The following NPR3 variants were observed in gnomAD, a reference collection of about 807,000 sequenced individuals.
NPR3 encodes natriuretic peptide receptor 3.
A neutral mutation model predicts 54.5 loss-of-function variants in NPR3; 34 were observed. The ratio of observed to expected loss-of-function variants is 0.62; its 90% CI spans 0.47 to 0.83. The LOEUF (loss-of-function observed/expected upper bound fraction) is 0.83. NPR3 is among the 40% of genes least tolerant of loss of function. The pLI is 0.00. For synonymous variants in NPR3, 289 were observed against 297.1 expected (o/e 0.97, Z 0.28); for missense variants, 674 against 720.8 (o/e 0.94, Z 0.74).
At chr5:32,769,402 G>T (rs944113012) in intron 3 of NPR3, among the ~76,000 whole-genome samples, 1 of 152,108 alleles carries the variant, frequency 6.6e-6, no homozygotes, top group South Asian at 2.1e-4. Context: ...TTCAATTCAG[G>T]TCAGAGAAGG....
At chr5:32,751,133 G>A (rs1480097819) in intron 3 of NPR3, among the ~76,000 whole-genome samples, 1 of 150,350 alleles carries the variant, frequency 6.7e-6, no homozygotes, top group Non-Finnish European at 1.5e-5. Context: ...TCAATTTTAA[G>A]GTAAAAACAG....
At chr5:32,700,483 G>A (rs1740639510) in intron 1 of NPR3, among the ~76,000 whole-genome samples, 1 of 151,764 alleles carries the variant, frequency 6.6e-6, no homozygotes, top group Non-Finnish European at 1.5e-5. Context: ...TGCCATATTG[G>A]TTTGCTGCAC....
At chr5:32,711,241 C>T, upstream of NPR3, 1 of 323,664 alleles carries the variant, frequency 3.1e-6, no homozygotes, top group Non-Finnish European at 4.0e-6. Context: ...GAAACACAAG[C>T]CCGGCCTCGG....
Position 32,786,520 on chromosome 5 carries a change from C to G in NPR3, c.*175C>G. 1 of 606,352 alleles carries G rather than the reference C, an allele frequency of 1.6e-6. No individual in the cohort carries two copies. The highest frequency in any genetic ancestry group is 3.4e-5 in the Admixed American group (1 of 29,528). The allele number at this position is 606,352 out of a possible 1,614,324, so 37.6% of individuals were successfully genotyped here. ...AGGAATTATGATTAATCACCATCTGCCTCCAGGCCTTTCATCTCATGACAA... is the reference window on the plus strand; with the variant it reads ...AGGAATTATGATTAATCACCATCTGGCTCCAGGCCTTTCATCTCATGACAA... On this transcript the variant is annotated 3_prime_UTR_variant, in exon 8 of 8. Transcript: ENST00000265074.
chr5:32,781,674 T>C (rs1742343720), intron 5 of NPR3, among the ~76,000 whole-genome samples: 1 of 152,050 alleles, frequency 6.6e-6, no homozygotes, highest in Admixed American at 6.5e-5. Context: ...GCAGCAGGAG[T>C]CACCCTCGCT....
Position 32,770,483 on chromosome 5 carries a change from C to T in NPR3, c.1060-4225C>T, listed in dbSNP as rs114922483. Among the ~76,000 whole-genome samples, 584 of 151,814 alleles carry T rather than the reference C, an allele frequency of 3.8e-3. 2 individuals are homozygous for T. Among genetic ancestry groups the T allele is most frequent in the African/African-American group, 7.4e-3 (305 of 41,412 alleles). On this transcript the variant is annotated intron_variant, in intron 3 of 7. Transcript: ENST00000265074. ...AGAAAGAAAATAGAAATGAAAGGAA[C>T]GAGAGTTAGCGCCCTCTTGTCATGC...
In NPR3 at chr5:32,738,245, G is replaced by A. The variant is rs184304994; in HGVS notation, c.893-619G>A. ...GGTGGTTTGCTGCACCCATCAACCC[G>A]TCATCTACATTAGATATTTCTCCTA... On this transcript the variant is annotated intron_variant, in intron 2 of 7. Coordinates refer to ENST00000265074, the MANE Select transcript of NPR3 (RefSeq NM_001204375.2). Among the ~76,000 whole-genome samples, 463 of 152,074 alleles carry A rather than the reference G, an allele frequency of 3.0e-3. 1 individual carries two copies. Among genetic ancestry groups the A allele is most frequent in the Admixed American group, 8.1e-3 (124 of 15,268 alleles).
chr5:32,722,453 A>G (rs973018185), intron 1 of NPR3, among the ~76,000 whole-genome samples: 8 of 152,238 alleles, frequency 5.3e-5, no homozygotes, highest in Non-Finnish European at 1.2e-4. Context: ...TTTAAACAGT[A>G]TGCATTTCAG....
chr5:32,742,654 G>A (rs1740094182), intron 3 of NPR3, among the ~76,000 whole-genome samples: 1 of 152,148 alleles, frequency 6.6e-6, no homozygotes. Flanking sequence ...AATGTAAAGA[G>A]CATATAACAG....
chr5:32,780,132 G>A (rs1338199707), intron 4 of NPR3, among the ~76,000 whole-genome samples: 1 of 152,214 alleles, frequency 6.6e-6, no homozygotes, highest in Non-Finnish European at 1.5e-5. Context: ...CACTAATTCA[G>A]TACTAAGCGT....
chr5:32,742,781 T>G (rs980159295), intron 3 of NPR3, among the ~76,000 whole-genome samples: 6 of 152,160 alleles, frequency 3.9e-5, no homozygotes, highest in African/African-American at 1.4e-4. Flanking sequence ...GTTTTTTTCT[T>G]TGGCAAAATT....
At chr5:32,756,425 C>T (rs373154993) in intron 3 of NPR3, among the ~76,000 whole-genome samples, 1 of 152,132 alleles carries the variant, frequency 6.6e-6, no homozygotes, top group African/African-American at 2.4e-5. Context: ...CTGTTCATAT[C>T]CTTTGCCTAC....
chr5:32,790,721 C>T lies in NPR3; in HGVS notation c.*4376C>T. 6.0e-6 allele frequency: 1 copy of T among 166,960 alleles called. No individual in the cohort carries two copies. 10.3% of individuals were successfully genotyped at this position (166,960 alleles called of 1,614,324 possible). Reference sequence around the variant, plus strand: ...CATTAACCACTAATGTTAATTCATACCAAATGCAAAGTATTCTAAACCAGC... The same window carrying T: ...CATTAACCACTAATGTTAATTCATATCAAATGCAAAGTATTCTAAACCAGC... On this transcript the variant is annotated 3_prime_UTR_variant, in exon 8 of 8. Coordinates refer to ENST00000265074, the MANE Select transcript of NPR3 (RefSeq NM_001204375.2).
At position 32,783,025 on chromosome 5, in the gene NPR3, TCATGTAAGTCTGGAGA is replaced by T; in HGVS notation, c.1425_1426+14del. ...GCATACAAACAGCTCTCCCTGCAAATCATGTAAGTCTGGAGACTTAATTTGCTATGTATGTCATCAC... is the reference window on the plus strand; with the variant it reads ...GCATACAAACAGCTCTCCCTGCAAATCTTAATTTGCTATGTATGTCATCAC... On this transcript the variant is annotated splice_donor_variant and splice_donor_5th_base_variant and coding_sequence_variant and intron_variant, in exon 6 of 8. Transcript: ENST00000265074. LOFTEE classifies it high-confidence loss of function. 6.3e-7 allele frequency: 1 copy of T among 1,598,234 alleles called. No homozygotes were observed. Among genetic ancestry groups the T allele is most frequent in the Non-Finnish European group, 8.5e-7 (1 of 1,171,336 alleles).
At chr5:32,738,217 C>T (rs1056371997) in intron 2 of NPR3, among the ~76,000 whole-genome samples, 1 of 152,024 alleles carries the variant, frequency 6.6e-6, no homozygotes, top group African/African-American at 2.4e-5. Context: ...ATACACATGC[C>T]ATGGTGGTTT....
At chr5:32,756,843 C>T (rs1321965174) in intron 3 of NPR3, among the ~76,000 whole-genome samples, 1 of 152,156 alleles carries the variant, frequency 6.6e-6, no homozygotes, top group Non-Finnish European at 1.5e-5. Flanking sequence ...TTTCCCAGCA[C>T]CATTTATTAA....
intron 3 of NPR3, among the ~76,000 whole-genome samples, chr5:32,764,558 C>T (rs935948491): frequency 4.0e-5 from 6 of 151,814 alleles, no homozygotes; most frequent in African/African-American, 9.7e-5. Flanking sequence ...GAGGCCGAGG[C>T]GGGTGGATCA....
intron 7 of NPR3, among the ~76,000 whole-genome samples, chr5:32,785,523 A>G (rs1211404795): frequency 9.9e-5 from 15 of 152,182 alleles, no homozygotes; most frequent in Non-Finnish European, 4.4e-5. Context: ...AATCTGGATA[A>G]AGGGGGAAAT....
At chr5:32,712,635 TC>T in intron 1 of NPR3, 90 bp downstream of exon 1, 2 of 1,243,276 alleles carry the variant, frequency 1.6e-6, no homozygotes, top group Non-Finnish European at 2.2e-6. Flanking sequence ...CAGACCCCAC[TC>T]CCCACTGCGG....
Sources: allele counts gnomAD v4.1 joint callset (sites outside exome capture counted in the v4.1 genomes callset), GRCh38; gene constraint gnomAD v4.1.1; transcripts MANE v1.5; gene names NCBI Gene and HGNC (gene_info 2026-07-23, HGNC 2026-07-21).